The following TMEM132D variants were observed in gnomAD, a reference collection of about 807,000 sequenced individuals.
TMEM132D encodes transmembrane protein 132D.
A neutral mutation model predicts 62.3 loss-of-function variants in TMEM132D; 21 were observed. The ratio of observed to expected loss-of-function variants is 0.34; its 90% CI spans 0.24 to 0.49. The LOEUF (loss-of-function observed/expected upper bound fraction) is 0.49, where lower values mean the gene tolerates loss of function less well. Ranked by LOEUF, TMEM132D falls within the 20% of genes least tolerant of loss-of-function variation. TMEM132D has a pLI of 0.99. For synonymous variants in TMEM132D, 621 were observed against 575.6 expected, an observed-to-expected ratio of 1.08 and a Z score of -1.13; for missense variants, 1,346 against 1,402.8, an observed-to-expected ratio of 0.96 and a Z score of 0.65.
intron 5 of TMEM132D, among the ~76,000 whole-genome samples, chr12:129,189,104 G>A (rs1593290142): frequency 6.6e-6 from 1 of 151,886 alleles, no homozygotes; most frequent in East Asian, 1.9e-4. Context: ...GAGGAATCCA[G>A]AAGGGGAAGT....
intron 4 of TMEM132D, among the ~76,000 whole-genome samples, chr12:129,313,567 GTGTATA>G (rs1207428567): frequency 8.6e-6 from 1 of 116,540 alleles, no homozygotes; most frequent in Non-Finnish European, 2.0e-5. Flanking sequence ...GTGTGTGTGT[GTGTATA>G]TATATATATA....
At chr12:129,189,100 T>C (rs1165144363) in intron 5 of TMEM132D, among the ~76,000 whole-genome samples, 2 of 152,154 alleles carry the variant, frequency 1.3e-5, no homozygotes, top group Non-Finnish European at 2.9e-5. Context: ...AAGGGAGGAA[T>C]CCAGAAGGGG....
intron 3 of TMEM132D, among the ~76,000 whole-genome samples, chr12:129,487,506 C>T (rs927633481): frequency 2.0e-5 from 3 of 152,124 alleles, no homozygotes; most frequent in South Asian, 2.1e-4. Context: ...TTTGCTAGGA[C>T]GGCAGTGCCT....
At chr12:129,256,344 G>A (rs925490024) in intron 4 of TMEM132D, among the ~76,000 whole-genome samples, 1 of 152,260 alleles carries the variant, frequency 6.6e-6, no homozygotes, top group Non-Finnish European at 1.5e-5. Flanking sequence ...GGGCACTTGA[G>A]TGATATAGTT....
At chr12:129,370,481 C>A (rs1275139953) in intron 3 of TMEM132D, among the ~76,000 whole-genome samples, 2 of 152,308 alleles carry the variant, frequency 1.3e-5, no homozygotes, top group East Asian at 3.9e-4. Flanking sequence ...GCACACAGAA[C>A]AACTTGTATA....
rs73435675 is a variant in TMEM132D at position 129,548,642 on chromosome 12, A to G, written c.969-17437T>C. 4.6e-3 allele frequency among the ~76,000 whole-genome samples: 700 copies of G among 152,244 alleles called. 8 individuals are homozygous for G. Among genetic ancestry groups the G allele is most frequent in the African/African-American group, 0.016 (660 of 41,544 alleles). ...ATCACAGAAGAGCCTGCTGAAACTTACAGAGCTCCCACCTGAATTTGACAC... is the reference window on the plus strand; with the variant it reads ...ATCACAGAAGAGCCTGCTGAAACTTGCAGAGCTCCCACCTGAATTTGACAC... On this transcript the variant is annotated intron_variant, in intron 2 of 8. Transcript: ENST00000422113.
At chr12:129,893,199 G>A (rs1874986362) in intron 1 of TMEM132D, among the ~76,000 whole-genome samples, 1 of 151,972 alleles carries the variant, frequency 6.6e-6, no homozygotes, top group Non-Finnish European at 1.5e-5. Context: ...TGTTGACTTG[G>A]GCTAGTTATT....
intron 3 of TMEM132D, among the ~76,000 whole-genome samples, chr12:129,390,089 G>A (rs74827443): frequency 2.0e-5 from 3 of 152,180 alleles, no homozygotes; most frequent in African/African-American, 4.8e-5. Context: ...AGGGATTGTC[G>A]CTGTTGTGTG....
At chr12:129,307,561 TCTC>T (rs1881874351) in intron 4 of TMEM132D, among the ~76,000 whole-genome samples, 1 of 152,090 alleles carries the variant, frequency 6.6e-6, no homozygotes, top group African/African-American at 2.4e-5. Flanking sequence ...ATCCCTCTCT[TCTC>T]CTGTCCCATA....
At chr12:129,082,485 C>G (rs1475722527) in intron 6 of TMEM132D, among the ~76,000 whole-genome samples, 2 of 152,154 alleles carry the variant, frequency 1.3e-5, no homozygotes, top group African/African-American at 4.8e-5. Context: ...ATGCTGTGAG[C>G]CAAGCTGTAG....
intron 1 of TMEM132D, among the ~76,000 whole-genome samples, chr12:129,848,111 C>T (rs544677992): frequency 6.6e-6 from 1 of 152,296 alleles, no homozygotes; most frequent in Non-Finnish European, 1.5e-5. Context: ...AGTTGACTCC[C>T]CTCTGGATGC....
At position 129,073,784 on chromosome 12, in the gene TMEM132D, G is replaced by C; in HGVS notation, c.*91C>G. The C allele has an allele frequency of 2.5e-6, 3 of 1,198,532 alleles. No individual in the cohort carries two copies. Among genetic ancestry groups the C allele is most frequent in the Non-Finnish European group, 3.5e-6 (3 of 849,520 alleles). The allele number at this position is 1,198,532 out of a possible 1,614,324, so 74.2% of individuals were successfully genotyped here. ...AGTGTCATCCTTATTTTGTCCTGCT[G>C]CTTTGTTTCTCTTCCGGGGGCACCG... On this transcript the variant is annotated 3_prime_UTR_variant, in exon 9 of 9. Transcript: ENST00000422113.
At chr12:129,492,044 T>A (rs972066196) in intron 3 of TMEM132D, among the ~76,000 whole-genome samples, 1 of 152,194 alleles carries the variant, frequency 6.6e-6, no homozygotes, top group Middle Eastern at 3.2e-3. Flanking sequence ...GCATTATGAA[T>A]TGGGTTTGTT....
At chr12:129,732,894 G>A (rs1869295827) in intron 1 of TMEM132D, among the ~76,000 whole-genome samples, 2 of 152,126 alleles carry the variant, frequency 1.3e-5, no homozygotes, top group Non-Finnish European at 2.9e-5. Flanking sequence ...TAATCAATCA[G>A]GCCTCTGTAA....
intron 2 of TMEM132D, among the ~76,000 whole-genome samples, chr12:129,570,368 T>C (rs1877478559): frequency 6.6e-6 from 1 of 152,178 alleles, no homozygotes; most frequent in South Asian, 2.1e-4. Context: ...CTTCATGTAG[T>C]TTCATTCAAA....
chr12:129,867,943 G>A lies in TMEM132D; in HGVS notation c.79+35318C>T, dbSNP rs376397448. ...AAGACAGCGTTTCTATGGTACACAC[G>A]AGGCAGTGTTTCTATGGTACACATG... On this transcript the variant is annotated intron_variant, in intron 1 of 8. Transcript: ENST00000422113. This position sits in a 1 kb window ranked among gnomAD's most constrained non-coding sequence, Gnocchi z 4.5. Among the ~76,000 whole-genome samples, 12 of 152,216 alleles carry A rather than the reference G, an allele frequency of 7.9e-5. No homozygotes were observed. The highest frequency in any genetic ancestry group is 2.1e-4 in the South Asian group (1 of 4,818).
chr12:129,667,971 G>A (rs200780888), intron 2 of TMEM132D, among the ~76,000 whole-genome samples: 1 of 114,982 alleles, frequency 8.7e-6, no homozygotes, highest in South Asian at 3.0e-4. Flanking sequence ...CTAAAATGTT[G>A]TTATCCACAG....
chr12:129,216,705 A>G (rs1435831151), intron 4 of TMEM132D, among the ~76,000 whole-genome samples: 1 of 152,216 alleles, frequency 6.6e-6, no homozygotes. Context: ...GTACAGCAGC[A>G]CTAGGAAGCG....
chr12:129,106,168 C>CA (rs1303651769), intron 5 of TMEM132D, among the ~76,000 whole-genome samples: 2 of 150,380 alleles, frequency 1.3e-5, no homozygotes, highest in Admixed American at 1.3e-4. Flanking sequence ...ATCGTAAGAA[C>CA]AAAAAACCAA....
Sources: gnomAD v4.1 joint callset for allele counts (sites outside exome capture counted in the v4.1 genomes callset) on GRCh38, gnomAD v4.1.1 for gene constraint, Gnocchi (gnomAD v3.1) non-coding constraint, MANE v1.5 for transcripts, NCBI Gene and HGNC (gene_info 2026-07-23, HGNC 2026-07-21) for gene names.